NDUFA12: variants seen among roughly 807,000 people sequenced by gnomAD.
NDUFA12 encodes NADH:ubiquinone oxidoreductase subunit A12.
In NDUFA12, 17 loss-of-function variants were observed where a neutral mutation model predicts 20.3. The ratio of observed to expected loss-of-function variants is 0.84; its 90% confidence interval spans 0.57 to 1.26. The LOEUF (loss-of-function observed/expected upper bound fraction) is 1.26. Among genes scored for constraint, NDUFA12 ranks in the 50% most tolerant of loss-of-function variants. NDUFA12 has a pLI of 0.00. For synonymous variants in NDUFA12, 72 were observed against 63.6 expected (o/e 1.13, Z -0.63); for missense variants, 191 against 183.7 (o/e 1.04, Z -0.23).
intron 2 of NDUFA12, among the ~76,000 whole-genome samples, chr12:95,001,834 A>G (rs957168056): frequency 2.0e-5 from 3 of 151,874 alleles, no homozygotes; most frequent in African/African-American, 7.3e-5. Flanking sequence ...CCTCTCAGGT[A>G]GCTGGGATTA....
chr12:94,999,024 A>C (rs1289577332), intron 2 of NDUFA12, among the ~76,000 whole-genome samples: 1 of 152,254 alleles, frequency 6.6e-6, no homozygotes, highest in East Asian at 1.9e-4. Flanking sequence ...CCACACAGCC[A>C]AAGCAATACT....
chr12:94,989,488 G>A (rs1378936958), intron 3 of NDUFA12, among the ~76,000 whole-genome samples: 1 of 152,190 alleles, frequency 6.6e-6, no homozygotes, highest in Non-Finnish European at 1.5e-5. Flanking sequence ...GAATTCCACA[G>A]TGTGTCACGG....
intron 3 of NDUFA12, among the ~76,000 whole-genome samples, chr12:94,985,626 CAA>C (rs35674364): frequency 2.3e-5 from 1 of 43,578 alleles, no homozygotes; most frequent in Admixed American, 2.8e-4. Flanking sequence ...GACTCCATCT[CAA>C]AAAAAAAAAA....
intron 2 of NDUFA12, among the ~76,000 whole-genome samples, chr12:94,995,901 A>AT (rs199922662): frequency 0.3 from 45,215 of 148,324 alleles, 7,213 homozygotes; most frequent in East Asian, 0.57. Context: ...AATGCTGTGC[A>AT]TTTTTTTTTT....
chr12:94,996,340 CA>C (rs1874831527), intron 2 of NDUFA12, among the ~76,000 whole-genome samples: 1 of 148,406 alleles, frequency 6.7e-6, no homozygotes, highest in African/African-American at 2.5e-5. Flanking sequence ...CACACACACA[CA>C]CACACACACA....
chr12:94,995,746 C>T (rs1040611325), intron 2 of NDUFA12, among the ~76,000 whole-genome samples: 8 of 152,026 alleles, frequency 5.3e-5, no homozygotes, highest in Non-Finnish European at 8.8e-5. Flanking sequence ...TATTTAAACA[C>T]ATGAATGTAG....
intron 3 of NDUFA12, among the ~76,000 whole-genome samples, chr12:94,983,272 C>T (rs961120807): frequency 6.6e-6 from 1 of 152,178 alleles, no homozygotes; most frequent in Admixed American, 6.5e-5. Flanking sequence ...GGTATTCACA[C>T]CCTTGTATAA....
At chr12:95,001,925 G>C (rs945433945) in intron 2 of NDUFA12, among the ~76,000 whole-genome samples, 1 of 151,678 alleles carries the variant, frequency 6.6e-6, no homozygotes, top group Non-Finnish European at 1.5e-5. Context: ...GGATGCTCTC[G>C]ATCTCCTGAC....
chr12:94,994,297 T>G (rs1874747260), intron 2 of NDUFA12, 40 bp from the exon 3 acceptor site: 1 of 1,532,090 alleles, frequency 6.5e-7, no homozygotes, highest in South Asian at 1.1e-5. Context: ...AAAACTTTTT[T>G]TTTTAAAGCA....
intron 2 of NDUFA12, among the ~76,000 whole-genome samples, chr12:94,996,259 T>C (rs1874827117): frequency 2.0e-5 from 3 of 149,416 alleles, no homozygotes; most frequent in Admixed American, 6.7e-5. Context: ...ATTGAAAGAG[T>C]TGCAAAATTA....
rs1227938549 is a variant in NDUFA12, at chr12:94,971,385, A to G, written c.*55T>C. The G allele has an allele frequency of 2.0e-6, 3 of 1,530,806 alleles. No individual in the cohort carries two copies. The highest frequency in any genetic ancestry group is 2.2e-5 in the South Asian group (2 of 89,280). The allele number at this position is 1,530,806 out of a possible 1,614,324, so 94.8% of individuals were successfully genotyped here. A position where few individuals can be genotyped will look rare whatever the true frequency, so the allele number is the denominator to read the frequency against. ...TATAGTGAATGGTAAACAGTAAAAGAGTAATTACATGAAAAGCTCCATATT... is the reference window on the plus strand; with the variant it reads ...TATAGTGAATGGTAAACAGTAAAAGGGTAATTACATGAAAAGCTCCATATT... On this transcript the variant is annotated 3_prime_UTR_variant, in exon 4 of 4. Transcript: ENST00000327772.
intron 2 of NDUFA12, chr12:94,997,538 TTTA>T (rs1431295805): frequency 1.3e-5 from 2 of 152,218 alleles, no homozygotes; most frequent in Admixed American, 6.5e-5. Context: ...AGAGTATTTT[TTTA>T]TTATTATAAA....
intron 3 of NDUFA12, among the ~76,000 whole-genome samples, chr12:94,992,491 A>G (rs1029866040): frequency 1.3e-5 from 2 of 152,196 alleles, no homozygotes; most frequent in Admixed American, 6.5e-5. Flanking sequence ...ACACATCCCA[A>G]TATATACTGT....
chr12:94,985,931 A>T (rs898230614), intron 3 of NDUFA12, among the ~76,000 whole-genome samples: 2 of 151,788 alleles, frequency 1.3e-5, no homozygotes, highest in African/African-American at 4.8e-5. Flanking sequence ...CTAAAAATAC[A>T]AAAGTTAGCT....
chr12:94,988,354 A>G (rs1874524005), intron 3 of NDUFA12, among the ~76,000 whole-genome samples: 1 of 152,208 alleles, frequency 6.6e-6, no homozygotes, highest in South Asian at 2.1e-4. Context: ...ACACTAAAGT[A>G]TTCAGGAGTG....
At chr12:94,987,023 T>TC (rs1258557822) in intron 3 of NDUFA12, among the ~76,000 whole-genome samples, 1 of 152,124 alleles carries the variant, frequency 6.6e-6, no homozygotes, top group Admixed American at 6.6e-5. Flanking sequence ...TCAAAGTGTC[T>TC]CCCCACAAAA....
chr12:95,001,367 T>C (rs576970358), intron 2 of NDUFA12, among the ~76,000 whole-genome samples: 1 of 146,580 alleles, frequency 6.8e-6, no homozygotes, highest in African/African-American at 2.5e-5. Context: ...CATCTGTAAT[T>C]CCAGCACTTT....
At chr12:95,001,751 C>T (rs1209614102) in intron 2 of NDUFA12, among the ~76,000 whole-genome samples, 1 of 152,200 alleles carries the variant, frequency 6.6e-6, no homozygotes, top group East Asian at 1.9e-4. Context: ...TGTTGCCAGA[C>T]TGGAGTAGAG....
At chr12:94,999,263 G>A (rs1874940339) in intron 2 of NDUFA12, among the ~76,000 whole-genome samples, 1 of 152,182 alleles carries the variant, frequency 6.6e-6, no homozygotes, top group South Asian at 2.1e-4. Context: ...AATGGTGTTG[G>A]AAAAACTAGC....
Sources: allele counts gnomAD v4.1 joint callset (sites outside exome capture counted in the v4.1 genomes callset), GRCh38; gene constraint gnomAD v4.1.1; transcripts MANE v1.5; gene names NCBI Gene and HGNC (gene_info 2026-07-23, HGNC 2026-07-21).